Variants in NACC2 observed in about 807,000 individuals in gnomAD.
NACC2 encodes the protein NACC family member 2.
A neutral mutation model predicts 25.1 loss-of-function variants in NACC2; 8 were observed. The ratio of observed to expected loss-of-function variants is 0.32; its 90% CI spans 0.19 to 0.57. The LOEUF (loss-of-function observed/expected upper bound fraction) is 0.57. Among genes scored for constraint, NACC2 ranks in the 20% least tolerant of loss-of-function variants. NACC2 has a pLI of 0.89. For missense variants in NACC2, 644 were observed against 650.2 expected, an observed-to-expected ratio of 0.99 and a Z score of 0.10; for synonymous variants, 435 against 294.7, an observed-to-expected ratio of 1.48 and a Z score of -4.88.
At chr9:136,024,488 G>A (rs1184713274) in intron 2 of NACC2, among the ~76,000 whole-genome samples, 5 of 124,528 alleles carry the variant, frequency 4.0e-5, no homozygotes, top group Non-Finnish European at 5.3e-5. Flanking sequence ...TGAGGACAGT[G>A]TGTGTGAGGA....
chr9:136,009,022 C>G lies in NACC2; in HGVS notation c.*2494G>C, dbSNP rs1840065242. 1 of 152,422 alleles carries G rather than the reference C, an allele frequency of 6.6e-6. No homozygotes were observed. The highest frequency in any genetic ancestry group is 1.5e-5 in the Non-Finnish European group (1 of 68,184). The allele number at this position is 152,422 out of a possible 1,614,324, so 9.4% of individuals were successfully genotyped here. A position where few individuals can be genotyped will look rare whatever the true frequency, so the allele number is the denominator to read the frequency against. On this transcript the variant is annotated 3_prime_UTR_variant, in exon 6 of 6. Transcript: ENST00000277554. ...GAACAGCAGTCAGGCGTCCTCTGTGCAGCCACCACCTCCGGCAGCAGCCAG... is the reference window on the plus strand; with the variant it reads ...GAACAGCAGTCAGGCGTCCTCTGTGGAGCCACCACCTCCGGCAGCAGCCAG...
intron 1 of NACC2, among the ~76,000 whole-genome samples, chr9:136,058,971 G>C (rs1287831272): frequency 6.6e-6 from 1 of 152,172 alleles, no homozygotes; most frequent in Non-Finnish European, 1.5e-5. Context: ...TGGGAGGCGT[G>C]ACTCTGGCCC....
chr9:136,042,373 G>T (rs1002636791), intron 2 of NACC2, among the ~76,000 whole-genome samples: 132 of 152,298 alleles, frequency 8.7e-4, no homozygotes, highest in Non-Finnish European at 1.5e-3. Context: ...CTGACGGGGG[G>T]TATCTGGCAT....
chr9:136,043,591 C>G (rs1036294348), intron 2 of NACC2, among the ~76,000 whole-genome samples: 6 of 152,216 alleles, frequency 3.9e-5, no homozygotes, highest in Non-Finnish European at 7.3e-5. Context: ...CGGAAATATA[C>G]AGGATCTACC....
intron 2 of NACC2, among the ~76,000 whole-genome samples, chr9:136,047,529 C>T (rs1840748874): frequency 6.6e-6 from 1 of 152,212 alleles, no homozygotes; most frequent in Non-Finnish European, 1.5e-5. Context: ...ATCAGCGACA[C>T]CCGTGCAAAG....
At position 136,011,741 on chromosome 9, in the gene NACC2, G is replaced by C; in HGVS notation, c.1539C>G (p.Ala513=). ...AATIVALRTD[A]VNVDLSAAAN... Reference sequence around the variant, plus strand: ...CGGCGGCACTCAGGTCAACATTCACGGCGTCAGTTCTCAGAGCCACGATGG... The same window carrying C: ...CGGCGGCACTCAGGTCAACATTCACCGCGTCAGTTCTCAGAGCCACGATGG... Residue 513 remains alanine (A), a synonymous_variant, in exon 6 of 6, where the codon GCC becomes GCG. Coordinates refer to ENST00000277554, the MANE Select transcript of NACC2 (RefSeq NM_144653.5). 2.6e-6 allele frequency: 4 copies of C among 1,538,426 alleles called. No homozygotes were observed. The highest frequency in any genetic ancestry group is 1.7e-4 in the Middle Eastern group (1 of 5,808).
intron 1 of NACC2, among the ~76,000 whole-genome samples, chr9:136,065,074 T>TA (rs1841064341): frequency 6.6e-6 from 1 of 152,224 alleles, no homozygotes; most frequent in Non-Finnish European, 1.5e-5. Context: ...TTCAAAGACC[T>TA]AAATGTAAGA....
In NACC2 at chr9:136,007,192, C is replaced by G. The variant is rs973441030; in HGVS notation, c.*4324G>C. ...TGGAAGCGACTGATCGGAATACGAG[C>G]CGGTCGTCCAGTCTGAATGCTTGCG... On this transcript the variant is annotated 3_prime_UTR_variant, in exon 6 of 6. Coordinates refer to ENST00000277554, the MANE Select transcript of NACC2 (RefSeq NM_144653.5). The G allele has an allele frequency of 9.1e-5, 14 of 154,536 alleles. No individual in the cohort carries two copies. Among genetic ancestry groups the G allele is most frequent in the Non-Finnish European group, 2.1e-4 (14 of 68,216 alleles). The allele number at this position is 154,536 out of a possible 1,614,324, so 9.6% of individuals were successfully genotyped here. A position where few individuals can be genotyped will look rare whatever the true frequency, so the allele number is the denominator to read the frequency against.
chr9:136,040,033 G>A (rs1840604577), intron 2 of NACC2, among the ~76,000 whole-genome samples: 1 of 152,132 alleles, frequency 6.6e-6, no homozygotes, highest in Non-Finnish European at 1.5e-5. Context: ...TAGAATACAA[G>A]GTCAACATAC....
chr9:136,024,995 A>G (rs1840366891), intron 2 of NACC2, among the ~76,000 whole-genome samples: 1 of 152,256 alleles, frequency 6.6e-6, no homozygotes, highest in Non-Finnish European at 1.5e-5. Flanking sequence ...GTAGCCATGC[A>G]TGCAGGCAGA....
rs1414159196 is a variant in NACC2, at chr9:136,085,157, TTTTTTTG to T, written c.-60+10025_-60+10031del. ...CTACAATTTTTTTTTTTTTTTTTTT[TTTTTTTG>T]GCGAGACTGAGTTTCGCTCTTGTCG... On this transcript the variant is annotated intron_variant, in intron 1 of 5. Coordinates refer to ENST00000277554, the MANE Select transcript of NACC2 (RefSeq NM_144653.5). 1.5e-4 allele frequency among the ~76,000 whole-genome samples: 20 copies of T among 131,202 alleles called. 1 individual carries two copies. Among genetic ancestry groups the T allele is most frequent in the Admixed American group, 3.7e-4 (5 of 13,340 alleles). 86.1% of individuals were successfully genotyped at this position (131,202 alleles called of 152,430 possible). A position where few individuals can be genotyped will look rare whatever the true frequency, so the allele number is the denominator to read the frequency against.
At chr9:136,075,399 T>C (rs1396692957) in intron 1 of NACC2, among the ~76,000 whole-genome samples, 1 of 152,136 alleles carries the variant, frequency 6.6e-6, no homozygotes, top group African/African-American at 2.4e-5. Flanking sequence ...GGGTGTCCAC[T>C]CTCCCCGGGC....
rs1207632493 is a variant in NACC2 at position 136,020,790 on chromosome 9, C to T, written c.887-4361G>A. On this transcript the variant is annotated intron_variant, in intron 2 of 5. Coordinates refer to ENST00000277554, the MANE Select transcript of NACC2 (RefSeq NM_144653.5). The surrounding 1 kb of genome is among the most constrained non-coding windows in gnomAD (Gnocchi z 4.7). Reference sequence around the variant, plus strand: ...CAGAATAGGAGACCCACAGACAGACCCACATGGCCATGCTCGATTGGCTTT... The same window carrying T: ...CAGAATAGGAGACCCACAGACAGACTCACATGGCCATGCTCGATTGGCTTT... Among the ~76,000 whole-genome samples, 1 of 152,084 alleles carries T rather than the reference C, an allele frequency of 6.6e-6. No individual in the cohort carries two copies. The highest frequency in any genetic ancestry group is 1.5e-5 in the Non-Finnish European group (1 of 68,012).
At chr9:136,041,096 A>AAGGAAAGGAAGGC (rs1840623675) in intron 2 of NACC2, among the ~76,000 whole-genome samples, 1 of 4,406 alleles carries the variant, frequency 2.3e-4, no homozygotes, top group Admixed American at 8.1e-3. Context: ...AAGCAAAGGA[A>AAGGAAAGGAAGGC]AGGAAAGGAA....
intron 1 of NACC2, among the ~76,000 whole-genome samples, chr9:136,089,781 TTC>T: frequency 6.6e-6 from 1 of 151,920 alleles, no homozygotes; most frequent in Non-Finnish European, 1.5e-5. Context: ...CTTTTTTTTT[TTC>T]TTTTTTATTA....
chr9:136,087,004 G>A (rs896781012), intron 1 of NACC2, among the ~76,000 whole-genome samples: 1 of 152,268 alleles, frequency 6.6e-6, no homozygotes, highest in African/African-American at 2.4e-5. Context: ...GGTAAGATGA[G>A]ATATCCCGGA....
intron 1 of NACC2, among the ~76,000 whole-genome samples, chr9:136,074,761 A>AG (rs1170910870): frequency 6.6e-6 from 1 of 152,024 alleles, no homozygotes; most frequent in Non-Finnish European, 1.5e-5. Flanking sequence ...TGACTCCCAG[A>AG]GGGCCCATGT....
chr9:136,093,790 GAGA>G (rs974314880), intron 1 of NACC2, among the ~76,000 whole-genome samples: 4 of 143,120 alleles, frequency 2.8e-5, no homozygotes, highest in South Asian at 2.5e-4. Context: ...CGGTGGCCGG[GAGA>G]AGAAGGGGTG....
chr9:136,083,396 G>A (rs527922055), intron 1 of NACC2, among the ~76,000 whole-genome samples: 1 of 152,326 alleles, frequency 6.6e-6, no homozygotes, highest in African/African-American at 2.4e-5. Context: ...GAGTGGGGCA[G>A]GTGGACACTT....
Sources: gnomAD v4.1 joint callset for allele counts (sites outside exome capture counted in the v4.1 genomes callset) on GRCh38, gnomAD v4.1.1 for gene constraint, Gnocchi (gnomAD v3.1) non-coding constraint, MANE v1.5 for transcripts, NCBI Gene and HGNC (gene_info 2026-07-23, HGNC 2026-07-21) for gene names.